Variants in SDHB observed in about 807,000 individuals in gnomAD.
SDHB encodes the protein succinate dehydrogenase [ubiquinone] iron-sulfur subunit, mitochondrial.
A neutral mutation model predicts 39.7 loss-of-function variants in SDHB; 21 were observed. The observed-to-expected ratio is 0.53, with a 90% CI of 0.37 to 0.76. The LOEUF (loss-of-function observed/expected upper bound fraction) is 0.76. Among genes scored for constraint, SDHB ranks in the 30% least tolerant of loss-of-function variants. The pLI is 0.00. For missense variants in SDHB, 343 were observed against 350.9 expected (o/e 0.98, Z 0.18); for synonymous variants, 118 against 117.0 (o/e 1.01, Z -0.06).
intron 2 of SDHB, among the ~76,000 whole-genome samples, chr1:17,043,193 CCGAGTGAT>C (rs1265258063): frequency 2.6e-5 from 4 of 151,676 alleles, no homozygotes; most frequent in African/African-American, 9.7e-5. Flanking sequence ...ATGCCTGACC[CCGAGTGAT>C]CCACCTGCCT....
At chr1:17,044,680 CCTT>C in intron 2 of SDHB, 78 bp downstream of exon 2, 1 of 1,504,106 alleles carries the variant, frequency 6.6e-7, no homozygotes, top group Non-Finnish European at 9.2e-7. Context: ...GATTTTTAAG[CCTT>C]CCAAGGATGT....
chr1:17,039,655 A>G (rs1280591588), intron 2 of SDHB, among the ~76,000 whole-genome samples: 1 of 152,124 alleles, frequency 6.6e-6, no homozygotes, highest in Non-Finnish European at 1.5e-5. Flanking sequence ...ATTATACTTT[A>G]CATAATTTAC....
At chr1:17,023,445 G>A (rs1331145670) in intron 6 of SDHB, among the ~76,000 whole-genome samples, 2 of 152,238 alleles carry the variant, frequency 1.3e-5, no homozygotes, top group African/African-American at 4.8e-5. Context: ...GTTGCCTAGA[G>A]TCTGTGAAAA....
Position 17,029,096 on chromosome 1 carries a change from T to TTTTG in SDHB, c.287-361_287-360insCAAA, listed in dbSNP as rs1304814194. 1.5e-4 allele frequency among the ~76,000 whole-genome samples: 21 copies of TTTTG among 136,816 alleles called. No homozygotes were observed. In the East Asian group the frequency reaches 2.6e-3, roughly 17 times the overall value. 89.8% of individuals were successfully genotyped at this position (136,816 alleles called of 152,430 possible). On this transcript the variant is annotated intron_variant, in intron 3 of 7. Transcript: ENST00000375499. ...TGTTTTGAAGAAAAATCAGCCTGTT[T>TTTTG]TTTTTTTTTTTTTTTTTTTTTTTTT...
At chr1:17,050,125 C>T (rs148342605) in intron 1 of SDHB, among the ~76,000 whole-genome samples, 11 of 152,200 alleles carry the variant, frequency 7.2e-5, no homozygotes, top group East Asian at 1.9e-4. Context: ...CCACTCTACA[C>T]GGATAATTGA....
At chr1:17,032,345 G>A (rs113975693) in intron 3 of SDHB, among the ~76,000 whole-genome samples, 11 of 87,056 alleles carry the variant, frequency 1.3e-4, no homozygotes, top group Admixed American at 7.5e-4. Context: ...CCGCTATCAC[G>A]CCCGGCTAAT....
chr1:17,042,217 G>A (rs1165388040), intron 2 of SDHB, among the ~76,000 whole-genome samples: 2 of 152,164 alleles, frequency 1.3e-5, no homozygotes, highest in African/African-American at 4.8e-5. Flanking sequence ...TGTTAGTCCC[G>A]TTACTTCCCA....
intron 1 of SDHB, among the ~76,000 whole-genome samples, chr1:17,050,655 C>A (rs200604843): frequency 4.2e-4 from 57 of 134,866 alleles, no homozygotes; most frequent in Admixed American, 5.9e-4. Flanking sequence ...GACTCTGTCT[C>A]AAAAAAAAAA....
At position 17,049,647 on chromosome 1, in the gene SDHB, C is replaced by CTTTTTTTTTTTTTTTTTTTTTTTTTT. The variant is rs397835910; in HGVS notation, c.72+4275_72+4300dup. On this transcript the variant is annotated intron_variant, in intron 1 of 7. Transcript: ENST00000375499. ...GGGACTGGAGCATAATCCCCTAGTT[C>CTTTTTTTTTTTTTTTTTTTTTTTTTT]TTTTTTTTTTTTTTTTTTTTTTTTT... Among the ~76,000 whole-genome samples the CTTTTTTTTTTTTTTTTTTTTTTTTTT allele has an allele frequency of 1.9e-4, 10 of 52,066 alleles. 3 individuals are homozygous for CTTTTTTTTTTTTTTTTTTTTTTTTTT. Among genetic ancestry groups the CTTTTTTTTTTTTTTTTTTTTTTTTTT allele is most frequent in the African/African-American group, 7.9e-4 (8 of 10,178 alleles). The allele number at this position is 52,066 out of a possible 152,430, so 34.2% of individuals were successfully genotyped here. A position where few individuals can be genotyped will look rare whatever the true frequency, so the allele number is the denominator to read the frequency against.
At chr1:17,020,491 A>C (rs1337063351) in intron 7 of SDHB, among the ~76,000 whole-genome samples, 1 of 152,220 alleles carries the variant, frequency 6.6e-6, no homozygotes, top group African/African-American at 2.4e-5. Context: ...CAAGGCACAG[A>C]GAACCTGTTC....
chr1:17,028,955 T>C (rs1227260020), intron 3 of SDHB, among the ~76,000 whole-genome samples: 9 of 152,172 alleles, frequency 5.9e-5, no homozygotes. Context: ...TCTATGACCA[T>C]GTGGCAACCT....
intron 5 of SDHB, among the ~76,000 whole-genome samples, chr1:17,026,842 C>T (rs2101520357): frequency 6.6e-6 from 1 of 152,134 alleles, no homozygotes; most frequent in East Asian, 1.9e-4. Context: ...CTCAAACTCT[C>T]AGACTCTCAA....
At chr1:17,030,263 C>T (rs963197612) in intron 3 of SDHB, among the ~76,000 whole-genome samples, 3 of 151,946 alleles carry the variant, frequency 2.0e-5, no homozygotes, top group East Asian at 3.9e-4. Flanking sequence ...CTCTAACTCA[C>T]GGCCTCAAGT....
intron 3 of SDHB, among the ~76,000 whole-genome samples, chr1:17,032,335 C>A (rs2078028078): frequency 7.4e-6 from 1 of 135,520 alleles, no homozygotes; most frequent in Admixed American, 7.0e-5. Flanking sequence ...TTACAGGCGT[C>A]CGCTATCACG....
At chr1:17,034,542 G>A (rs1015462984) in intron 2 of SDHB, among the ~76,000 whole-genome samples, 1 of 151,058 alleles carries the variant, frequency 6.6e-6, no homozygotes, top group Non-Finnish European at 1.5e-5. Context: ...CACCACACCC[G>A]GCAAATTTTT....
intron 7 of SDHB, among the ~76,000 whole-genome samples, chr1:17,021,461 G>A (rs2746475): frequency 0.96 from 145,309 of 151,992 alleles, 69,523 homozygotes; most frequent in East Asian, 1. Flanking sequence ...ACAGATGAGA[G>A]GGGCCGGTCG....
At chr1:17,042,507 G>A (rs2078086454) in intron 2 of SDHB, among the ~76,000 whole-genome samples, 1 of 152,172 alleles carries the variant, frequency 6.6e-6, no homozygotes, top group African/African-American at 2.4e-5. Context: ...GCTGGGTGCT[G>A]TGGCTCATGC....
chr1:17,032,785 G>C, intron 3 of SDHB: 1 of 497,850 alleles, frequency 2.0e-6, no homozygotes, highest in Non-Finnish European at 3.7e-6. Context: ...GCAGGTCCTA[G>C]CTAGGCCTTG....
At chr1:17,037,591 G>A (rs1264564134) in intron 2 of SDHB, among the ~76,000 whole-genome samples, 1 of 152,112 alleles carries the variant, frequency 6.6e-6, no homozygotes. Flanking sequence ...CAAGAAGCTG[G>A]GATTACAGGT....
Sources: allele counts gnomAD v4.1 joint callset (sites outside exome capture counted in the v4.1 genomes callset), GRCh38; gene constraint gnomAD v4.1.1; transcripts MANE v1.5; gene names NCBI Gene and HGNC (gene_info 2026-07-23, HGNC 2026-07-21).